CDCA7L: variants seen among roughly 807,000 people sequenced by gnomAD.
The protein encoded by CDCA7L is cell division cycle associated 7 like.
Under a neutral mutation model 57.4 loss-of-function variants are expected in CDCA7L, and 44 were observed. That is an observed-to-expected ratio of 0.77 (90% CI 0.60 to 0.98). CDCA7L has a LOEUF of 0.98. CDCA7L is among the 50% of genes least tolerant of loss of function. The probability of loss-of-function intolerance (pLI) is 0.00; values close to 1 mark genes in which losing one functional copy is unlikely to be tolerated. For synonymous variants in CDCA7L, 236 were observed against 202.8 expected, an observed-to-expected ratio of 1.16 and a Z score of -1.39; for missense variants, 644 against 580.6, an observed-to-expected ratio of 1.11 and a Z score of -1.12.
intron 2 of CDCA7L, among the ~76,000 whole-genome samples, chr7:21,914,220 AC>A (rs1171989713): frequency 3.3e-5 from 5 of 151,684 alleles, no homozygotes; most frequent in Non-Finnish European, 5.9e-5. Context: ...AGCAAACAAC[AC>A]CCCCCGTGCT....
At chr7:21,913,482 G>A (rs1198772408) in intron 2 of CDCA7L, among the ~76,000 whole-genome samples, 1 of 152,232 alleles carries the variant, frequency 6.6e-6, no homozygotes, top group Non-Finnish European at 1.5e-5. Context: ...AGCCTGTGGG[G>A]TCGGGGTAGA....
At chr7:21,915,658 A>AACAAC (rs1554296505) in intron 2 of CDCA7L, among the ~76,000 whole-genome samples, 992 of 73,516 alleles carry the variant, frequency 0.013, 13 homozygotes, top group South Asian at 0.12. Context: ...AAAAAAAAAA[A>AACAAC]ACACACACAC....
chr7:21,906,233 G>A (rs866565497), intron 6 of CDCA7L, 56 bp downstream of exon 6: 16 of 1,521,514 alleles, frequency 1.1e-5, no homozygotes, highest in Middle Eastern at 4.1e-4. Context: ...GTGCGTTCAC[G>A]TTTGGAGGGA....
At chr7:21,920,641 G>C (rs1027161939) in intron 1 of CDCA7L, among the ~76,000 whole-genome samples, 2 of 152,240 alleles carry the variant, frequency 1.3e-5, no homozygotes, top group African/African-American at 4.8e-5. Context: ...ACGTAGTGCA[G>C]CACTAGCAAA....
rs533091128 is a variant in CDCA7L at position 21,906,272 on chromosome 7, T to G, written c.921+17A>C. 6.4e-7 allele frequency: 1 copy of G among 1,572,744 alleles called. No individual in the cohort carries two copies. Among genetic ancestry groups the G allele is most frequent in the African/African-American group, 1.4e-5 (1 of 73,374 alleles). On this transcript the variant is annotated intron_variant, in intron 6 of 9. Coordinates refer to ENST00000406877, the MANE Select transcript of CDCA7L (RefSeq NM_018719.5). ...TAGCTCAGACAAAAACTAATTCATG[T>G]ATTAGTCAGAAAATACCCCAATTGT...
intron 1 of CDCA7L, among the ~76,000 whole-genome samples, chr7:21,925,854 CA>C (rs1785808616): frequency 6.6e-6 from 1 of 151,974 alleles, no homozygotes; most frequent in Non-Finnish European, 1.5e-5. Flanking sequence ...GCCACTGTAA[CA>C]GAGGAAGACC....
chr7:21,907,412 A>G (rs1785174572), intron 4 of CDCA7L, among the ~76,000 whole-genome samples: 1 of 152,166 alleles, frequency 6.6e-6, no homozygotes, highest in African/African-American at 2.4e-5. Flanking sequence ...CTTTTTTTAA[A>G]AGGAAAAGAT....
chr7:21,917,394 T>G (rs1785518427), intron 1 of CDCA7L, among the ~76,000 whole-genome samples: 1 of 152,244 alleles, frequency 6.6e-6, no homozygotes, highest in African/African-American at 2.4e-5. Context: ...CTTTTCTATA[T>G]TGTAAGTCAA....
chr7:21,915,701 C>G (rs948034918), intron 2 of CDCA7L, among the ~76,000 whole-genome samples: 11 of 149,438 alleles, frequency 7.4e-5, no homozygotes, highest in African/African-American at 2.7e-4. Context: ...GTGGTGGGAG[C>G]CTGTAATCCC....
rs754874284 is a variant in CDCA7L at position 21,905,656 on chromosome 7, A to G, written c.922-25T>C. ...CCTGCACAATGAACACAAGCAGAACATGGAGATGTGTTGAGCAGTTATAAA... is the reference window on the plus strand; with the variant it reads ...CCTGCACAATGAACACAAGCAGAACGTGGAGATGTGTTGAGCAGTTATAAA... On this transcript the variant is annotated intron_variant, in intron 6 of 9. Coordinates refer to ENST00000406877, the MANE Select transcript of CDCA7L (RefSeq NM_018719.5). 15 of 1,610,468 alleles carry G rather than the reference A, an allele frequency of 9.3e-6. No homozygotes were observed. In the Admixed American group the frequency reaches 1.0e-4, roughly 11 times the overall value.
At chr7:21,902,912 A>G (rs1784980074) in intron 9 of CDCA7L, 66 bp downstream of exon 9, 3 of 1,519,934 alleles carry the variant, frequency 2.0e-6, no homozygotes, top group Non-Finnish European at 2.7e-6. Flanking sequence ...CTACTTGCCC[A>G]GAGGGTCTCC....
At chr7:21,935,654 G>A (rs1286838417) in intron 1 of CDCA7L, among the ~76,000 whole-genome samples, 2 of 151,322 alleles carry the variant, frequency 1.3e-5, no homozygotes, top group African/African-American at 2.4e-5. Flanking sequence ...AAAATATACA[G>A]AGAAAACTCA....
intron 3 of CDCA7L, among the ~76,000 whole-genome samples, chr7:21,910,782 C>T (rs1785292919): frequency 1.3e-5 from 2 of 152,088 alleles, no homozygotes; most frequent in Admixed American, 6.5e-5. Context: ...AGTAGACTTC[C>T]CTCCAGAATC....
chr7:21,932,702 G>GA (rs1185263486), intron 1 of CDCA7L, among the ~76,000 whole-genome samples: 2 of 151,980 alleles, frequency 1.3e-5, no homozygotes, highest in African/African-American at 4.8e-5. Flanking sequence ...AAACACCCTA[G>GA]AAAAAAACCT....
intron 1 of CDCA7L, among the ~76,000 whole-genome samples, chr7:21,921,139 T>C (rs1269441994): frequency 1.3e-5 from 2 of 152,154 alleles, no homozygotes; most frequent in Non-Finnish European, 2.9e-5. Flanking sequence ...CGAGCCTGTG[T>C]CTGACTAGCT....
rs759370028 is a variant in CDCA7L, at chr7:21,900,962, G to T, written c.*1360C>A. The T allele has an allele frequency of 2.2e-5, 34 of 1,521,464 alleles. No individual in the cohort carries two copies. Among genetic ancestry groups the T allele is most frequent in the Non-Finnish European group, 3.0e-5 (34 of 1,136,352 alleles). 94.2% of individuals were successfully genotyped at this position (1,521,464 alleles called of 1,614,324 possible). Reference sequence around the variant, plus strand: ...ACAACTTACTTGATCATTATCATTAGTAGCAAGCTGCCACACAATTGCAAC... The same window carrying T: ...ACAACTTACTTGATCATTATCATTATTAGCAAGCTGCCACACAATTGCAAC... On this transcript the variant is annotated 3_prime_UTR_variant, in exon 10 of 10. Transcript: ENST00000406877.
chr7:21,934,407 A>G (rs1392904773), intron 1 of CDCA7L, among the ~76,000 whole-genome samples: 1 of 152,128 alleles, frequency 6.6e-6, no homozygotes, highest in Non-Finnish European at 1.5e-5. Flanking sequence ...CACAAAAACT[A>G]TCTAAGAAGA....
At chr7:21,902,763 T>C (rs763069556) in intron 9 of CDCA7L, 15 of 533,342 alleles carry the variant, frequency 2.8e-5, no homozygotes, top group Non-Finnish European at 4.2e-5. Context: ...CAACGTGGAG[T>C]TGAGTTGAAA....
chr7:21,916,351 AC>A (rs1222051605), intron 2 of CDCA7L, among the ~76,000 whole-genome samples: 1 of 152,052 alleles, frequency 6.6e-6, no homozygotes, highest in East Asian at 1.9e-4. Flanking sequence ...ACAGAATTGC[AC>A]CACGGGACCA....
Sources: gnomAD v4.1 joint callset for allele counts (sites outside exome capture counted in the v4.1 genomes callset) on GRCh38, gnomAD v4.1.1 for gene constraint, MANE v1.5 for transcripts, NCBI Gene and HGNC (gene_info 2026-07-23, HGNC 2026-07-21) for gene names.